CDK5RAP2: variants seen among roughly 807,000 people sequenced by gnomAD.
CDK5RAP2 encodes the protein CDK5 regulatory subunit associated protein 2.
A neutral mutation model predicts 232.9 loss-of-function variants in CDK5RAP2; 147 were observed. The ratio of observed to expected loss-of-function variants is 0.63; its 90% CI spans 0.55 to 0.72. The LOEUF (loss-of-function observed/expected upper bound fraction) is 0.72. Ranked by LOEUF, CDK5RAP2 falls within the 30% of genes least tolerant of loss-of-function variation. The probability of loss-of-function intolerance (pLI) is 0.00; values close to 1 mark genes in which losing one functional copy is unlikely to be tolerated. For synonymous variants in CDK5RAP2, 833 were observed against 833.7 expected, an observed-to-expected ratio of 1.00 and a Z score of 0.01; for missense variants, 2,195 against 2,231.5, an observed-to-expected ratio of 0.98 and a Z score of 0.33.
intron 5 of CDK5RAP2, among the ~76,000 whole-genome samples, chr9:120,542,306 A>T (rs1588615123): frequency 6.6e-6 from 1 of 152,274 alleles, no homozygotes; most frequent in East Asian, 1.9e-4. Context: ...GGAGTTTGAG[A>T]CCAGCCTGGC....
intron 35 of CDK5RAP2, among the ~76,000 whole-genome samples, chr9:120,396,762 T>C (rs535889670): frequency 1.2e-4 from 18 of 152,376 alleles, no homozygotes; most frequent in Admixed American, 6.5e-4. Context: ...TAACATCCTG[T>C]ATATATTCTA....
intron 12 of CDK5RAP2, chr9:120,517,635 T>C (rs931999148): frequency 6.5e-6 from 1 of 153,036 alleles, no homozygotes; most frequent in African/African-American, 2.4e-5. Flanking sequence ...CAATGCTAAA[T>C]AGAGTACAGT....
chr9:120,409,305 CCTT>C lies in CDK5RAP2; in HGVS notation c.4423_4425del (p.Lys1475del), dbSNP rs1246448443. 1 of 1,594,874 alleles carries C rather than the reference CCTT, an allele frequency of 6.3e-7. No homozygotes were observed. On this transcript the variant is annotated inframe_deletion, in exon 30 of 38. Transcript: ENST00000349780. The stretch of plus-strand genomic sequence containing the variant: ...AGGGACTCTCGTAATTTGTCATTCT[CCTT>C]CTGTTTATCTGCAAACATAAAAAGG...
chr9:120,528,074 G>A, intron 9 of CDK5RAP2, 149 bp from the exon 10 acceptor site: 1 of 1,136,858 alleles, frequency 8.8e-7, no homozygotes, highest in Non-Finnish European at 1.3e-6. Context: ...GCTGAACATA[G>A]TGCCATCAGC....
chr9:120,471,600 A>T (rs1266306228), intron 16 of CDK5RAP2, 148 bp downstream of exon 16: 5 of 1,135,410 alleles, frequency 4.4e-6, no homozygotes, highest in Admixed American at 1.7e-5. Context: ...AGGAAGGCTA[A>T]CATCAGCATG....
rs780345387 is a variant in CDK5RAP2 at position 120,524,984 on chromosome 9, A to C, written c.1092+2T>G. 6.2e-7 allele frequency: 1 copy of C among 1,611,074 alleles called. No individual in the cohort carries two copies. The highest frequency in any genetic ancestry group is 1.1e-5 in the South Asian group (1 of 91,036). On this transcript the variant is annotated splice_donor_variant, in intron 11 of 37. Coordinates refer to ENST00000349780, the MANE Select transcript of CDK5RAP2 (RefSeq NM_018249.6). LOFTEE classifies it high-confidence loss of function. The stretch of plus-strand genomic sequence containing the variant: ...AGCCACTTAAGCCAAGTGTACACTT[A>C]CCTGAAATTCCTGGGTCTGTGCTTT...
At chr9:120,529,443 C>T (rs978478177) in intron 8 of CDK5RAP2, among the ~76,000 whole-genome samples, 1 of 152,206 alleles carries the variant, frequency 6.6e-6, no homozygotes, top group African/African-American at 2.4e-5. Flanking sequence ...GTAACAATTC[C>T]TCTGAGCCTG....
intron 18 of CDK5RAP2, among the ~76,000 whole-genome samples, chr9:120,463,379 AAAC>A (rs377431877): frequency 3.9e-5 from 6 of 152,042 alleles, no homozygotes; most frequent in Non-Finnish European, 5.9e-5. Context: ...TCAAAAAACA[AAAC>A]AACAACAACA....
intron 21 of CDK5RAP2, among the ~76,000 whole-genome samples, chr9:120,452,560 C>T (rs751472641): frequency 1.1e-4 from 16 of 151,834 alleles, no homozygotes; most frequent in Non-Finnish European, 1.9e-4. Context: ...TCCCAGAACA[C>T]ATCTCCCTTC....
chr9:120,429,738 T>G (rs1209584376), intron 25 of CDK5RAP2, among the ~76,000 whole-genome samples: 2 of 152,222 alleles, frequency 1.3e-5, no homozygotes, highest in African/African-American at 4.8e-5. Flanking sequence ...ATGACTTTCT[T>G]CACAGAACTG....
At chr9:120,455,418 G>A (rs2036712930) in intron 20 of CDK5RAP2, among the ~76,000 whole-genome samples, 1 of 151,622 alleles carries the variant, frequency 6.6e-6, no homozygotes, top group Admixed American at 6.6e-5. Context: ...CCCTGCGATG[G>A]ACTGGGCCAG....
intron 15 of CDK5RAP2, 48 bp from the exon 16 acceptor site, chr9:120,471,926 T>G: frequency 6.2e-7 from 1 of 1,612,128 alleles, no homozygotes; most frequent in East Asian, 2.2e-5. Flanking sequence ...CTATTTGTAC[T>G]TTTAGATGCA....
At chr9:120,514,443 C>T (rs940708928) in intron 12 of CDK5RAP2, among the ~76,000 whole-genome samples, 6 of 152,332 alleles carry the variant, frequency 3.9e-5, no homozygotes, top group African/African-American at 1.4e-4. Flanking sequence ...CAGTACATCA[C>T]CCGTCTGGCC....
At chr9:120,462,677 T>C (rs1372097665) in intron 18 of CDK5RAP2, among the ~76,000 whole-genome samples, 2 of 152,204 alleles carry the variant, frequency 1.3e-5, no homozygotes, top group Non-Finnish European at 2.9e-5. Context: ...TATGACTCCA[T>C]TTATATGAAG....
chr9:120,489,165 C>T (rs777349935), intron 13 of CDK5RAP2, among the ~76,000 whole-genome samples: 9 of 152,224 alleles, frequency 5.9e-5, no homozygotes, highest in Non-Finnish European at 1.0e-4. Flanking sequence ...GAAAGCATTG[C>T]TCTTCCATCT....
At chr9:120,409,570 T>G (rs1648523196) in intron 29 of CDK5RAP2, among the ~76,000 whole-genome samples, 1 of 152,216 alleles carries the variant, frequency 6.6e-6, no homozygotes, top group Admixed American at 6.5e-5. Flanking sequence ...ACCTAGTTAC[T>G]TTGCCTTCAC....
intron 15 of CDK5RAP2, among the ~76,000 whole-genome samples, chr9:120,476,535 C>T (rs1034545774): frequency 3.3e-5 from 5 of 152,044 alleles, no homozygotes; most frequent in Non-Finnish European, 5.9e-5. Flanking sequence ...AAAAATTAGC[C>T]GGGCGTGGTG....
intron 12 of CDK5RAP2, among the ~76,000 whole-genome samples, chr9:120,496,521 G>C (rs1293015768): frequency 2.3e-4 from 32 of 139,012 alleles, no homozygotes; most frequent in Non-Finnish European, 3.0e-4. Flanking sequence ...GGGGGGGTCG[G>C]CCCCCCGCCC....
At chr9:120,460,310 T>C (rs183745139) in intron 19 of CDK5RAP2, among the ~76,000 whole-genome samples, 2 of 152,308 alleles carry the variant, frequency 1.3e-5, no homozygotes. Flanking sequence ...AGGTCAAACA[T>C]CCAATGCCTG....
Sources: gnomAD v4.1 joint callset for allele counts (sites outside exome capture counted in the v4.1 genomes callset) on GRCh38, gnomAD v4.1.1 for gene constraint, MANE v1.5 for transcripts, NCBI Gene and HGNC (gene_info 2026-07-23, HGNC 2026-07-21) for gene names.